CCDC28A: variants seen among roughly 807,000 people sequenced by gnomAD.
The protein encoded by CCDC28A is coiled-coil domain containing 28A.
Under a neutral mutation model 22.1 loss-of-function variants are expected in CCDC28A, and 24 were observed. That is an observed-to-expected ratio of 1.09 (90% CI 0.79 to 1.53). CCDC28A has a LOEUF of 1.53. CCDC28A is among the 40% of genes most tolerant of loss of function. CCDC28A has a pLI of 0.00. For synonymous variants in CCDC28A, 83 were observed against 74.7 expected, an observed-to-expected ratio of 1.11 and a Z score of -0.57; for missense variants, 170 against 210.7, an observed-to-expected ratio of 0.81 and a Z score of 1.20.
Position 138,785,309 on chromosome 6 carries a change from G to A in CCDC28A, c.405G>A (p.Gly135=). 6.2e-7 allele frequency: 1 copy of A among 1,613,026 alleles called. No individual in the cohort carries two copies. The highest frequency in any genetic ancestry group is 8.5e-7 in the Non-Finnish European group (1 of 1,179,074). ...CTCGCTTGAATTTGGAGCTCTATGGGGAGTTAGAGGAACTTCCTGAGGATA... is the reference window on the plus strand; with the variant it reads ...CTCGCTTGAATTTGGAGCTCTATGGAGAGTTAGAGGAACTTCCTGAGGATA... The part of the protein sequence containing the change: ...KLARLNLELY[G]ELEELPEDKR... Residue 135 remains glycine, a synonymous_variant, in exon 4 of 6, where the codon GGG becomes GGA. Transcript: ENST00000617445.
chr6:138,773,805 A>G lies in CCDC28A; in HGVS notation c.-140A>G. 10 of 1,613,920 alleles carry G rather than the reference A, an allele frequency of 6.2e-6. No individual in the cohort carries two copies. Among genetic ancestry groups the G allele is most frequent in the Non-Finnish European group, 8.5e-6 (10 of 1,179,942 alleles). On this transcript the variant is annotated 5_prime_UTR_variant, in exon 1 of 6. The change abolishes an upstream ATG in the 5' untranslated region. Transcript: ENST00000617445. ...GAGCTGCGGAGGAGCGGGTCCCGGG[A>G]TGTGACCGGGGCTCTGCTTGTGGCT...
intron 3 of CCDC28A, among the ~76,000 whole-genome samples, chr6:138,783,258 C>T (rs1468365493): frequency 2.1e-5 from 3 of 145,162 alleles, no homozygotes; most frequent in Non-Finnish European, 4.5e-5. Flanking sequence ...CATTTGAAGT[C>T]GTTATTGAAC....
At position 138,790,441 on chromosome 6, in the gene CCDC28A, C is replaced by A. The variant is rs532018183; in HGVS notation, c.500+2053C>A. Among the ~76,000 whole-genome samples the A allele has an allele frequency of 2.0e-5, 3 of 152,318 alleles. No individual in the cohort carries two copies. In the East Asian group the frequency reaches 5.8e-4, roughly 29 times the overall value. ...TTGGGATTACAGGCATTAGCCACCA[C>A]GCCCGGCCCTTTTTTGTGAGTTTTT... On this transcript the variant is annotated intron_variant, in intron 5 of 5. Transcript: ENST00000617445.
chr6:138,783,940 G>C (rs936013291), intron 3 of CCDC28A, among the ~76,000 whole-genome samples: 6 of 145,770 alleles, frequency 4.1e-5, no homozygotes, highest in Admixed American at 3.5e-4. Flanking sequence ...GCAGTGGTGT[G>C]ATCATGGTTC....
intron 3 of CCDC28A, among the ~76,000 whole-genome samples, chr6:138,783,969 C>CCAGG (rs1402349554): frequency 6.7e-6 from 1 of 150,352 alleles, no homozygotes; most frequent in African/African-American, 2.5e-5. Context: ...CTCAACCTCC[C>CCAGG]CAGGCTTATA....
intron 3 of CCDC28A, among the ~76,000 whole-genome samples, chr6:138,782,074 C>T (rs1040951604): frequency 6.6e-6 from 1 of 152,162 alleles, no homozygotes; most frequent in Non-Finnish European, 1.5e-5. Flanking sequence ...CCCCTCTCTT[C>T]CCTTCTTCCC....
intron 1 of CCDC28A, 42 bp downstream of exon 1, chr6:138,773,944 T>G (rs1562437062): frequency 6.2e-7 from 1 of 1,603,022 alleles, no homozygotes; most frequent in Non-Finnish European, 8.5e-7. Context: ...CCTGCCCCTT[T>G]AGGCCCTTCC....
chr6:138,775,254 G>A (rs1774912692), intron 1 of CCDC28A, among the ~76,000 whole-genome samples: 3 of 152,172 alleles, frequency 2.0e-5, no homozygotes, highest in South Asian at 4.1e-4. Context: ...TTAAATAGAT[G>A]GATGTTAGAA....
chr6:138,788,311 C>A (rs1284952579), intron 4 of CCDC28A, 55 bp from the exon 5 acceptor site: 5 of 623,462 alleles, frequency 8.0e-6, no homozygotes, highest in Non-Finnish European at 1.3e-5. Flanking sequence ...TAGTTAACAA[C>A]TATTTATATT....
chr6:138,783,777 A>G (rs1353691359), intron 3 of CCDC28A, among the ~76,000 whole-genome samples: 1 of 150,962 alleles, frequency 6.6e-6, no homozygotes, highest in African/African-American at 2.4e-5. Context: ...CATGTTTCAC[A>G]GATTGGTCTT....
At chr6:138,780,496 C>T (rs1774999119) in intron 3 of CCDC28A, among the ~76,000 whole-genome samples, 1 of 151,370 alleles carries the variant, frequency 6.6e-6, no homozygotes, top group South Asian at 2.1e-4. Flanking sequence ...ACAGAGTTCA[C>T]AAAAGATAGT....
At chr6:138,784,314 A>G (rs922493417) in intron 3 of CCDC28A, among the ~76,000 whole-genome samples, 2 of 149,260 alleles carry the variant, frequency 1.3e-5, no homozygotes, top group Admixed American at 1.3e-4. Context: ...AAGAAAATAC[A>G]TTTTCTCTAC....
At chr6:138,780,074 C>A in intron 3 of CCDC28A, 89 bp downstream of exon 3, 2 of 961,530 alleles carry the variant, frequency 2.1e-6, no homozygotes, top group Non-Finnish European at 2.9e-6. Context: ...TTTCAAAGTG[C>A]CAGTTTCTTT....
intron 2 of CCDC28A, 100 bp from the exon 3 acceptor site, chr6:138,779,722 T>C: frequency 1.1e-6 from 1 of 887,106 alleles, no homozygotes; most frequent in Non-Finnish European, 1.7e-6. Context: ...CTCTATTTGA[T>C]TTCTTGCTTT....
At chr6:138,783,360 T>C (rs1414563426) in intron 3 of CCDC28A, among the ~76,000 whole-genome samples, 1 of 145,520 alleles carries the variant, frequency 6.9e-6, no homozygotes, top group East Asian at 2.1e-4. Context: ...CTCGGCCTCC[T>C]TGAGCTCAAG....
At chr6:138,792,316 G>T (rs560825705) in intron 5 of CCDC28A, among the ~76,000 whole-genome samples, 1 of 152,154 alleles carries the variant, frequency 6.6e-6, no homozygotes, top group African/African-American at 2.4e-5. Context: ...GTTGCTTGAG[G>T]CCAGGAGTTC....
At chr6:138,776,013 T>A in intron 1 of CCDC28A, 66 bp from the exon 2 acceptor site, 1 of 1,314,290 alleles carries the variant, frequency 7.6e-7, no homozygotes. Flanking sequence ...GTGAAATGGG[T>A]CTTTGAATTT....
intron 5 of CCDC28A, 64 bp downstream of exon 5, chr6:138,788,452 G>A (rs765500495): frequency 1.0e-5 from 8 of 797,134 alleles, no homozygotes; most frequent in African/African-American, 3.6e-5. Context: ...GAATAATCTC[G>A]ATCAAGTTTT....
Position 138,792,792 on chromosome 6 carries a change from T to C in CCDC28A, c.544T>C (p.Ser182Pro), listed in dbSNP as rs763525665. The change falls in exon 6 of 6, where the codon TCT becomes CCT. Residue 182 changes from serine to proline, a missense_variant. Ser to Pro is a moderately conservative substitution (Grantham distance 74). Coordinates refer to ENST00000617445, the MANE Select transcript of CCDC28A (RefSeq NM_015439.3). ...AGATGCACAAGATGTTCCAAATACT[T>C]CTGCTAGCTAAAATGAAATGTAGTT... Reference protein sequence around the residue: ...LADAQDVPNTSAS With the variant: ...LADAQDVPNTPAS The C allele has an allele frequency of 1.2e-6, 2 of 1,607,832 alleles. No homozygotes were observed. Among genetic ancestry groups the C allele is most frequent in the Non-Finnish European group, 8.5e-7 (1 of 1,176,438 alleles).
Sources: gnomAD v4.1 joint callset for allele counts (sites outside exome capture counted in the v4.1 genomes callset) on GRCh38, gnomAD v4.1.1 for gene constraint, MANE v1.5 for transcripts, NCBI Gene and HGNC (gene_info 2026-07-23, HGNC 2026-07-21) for gene names.